EFCAB11: variants seen among roughly 807,000 people sequenced by gnomAD.
EFCAB11 encodes EF-hand calcium-binding domain-containing protein 11.
EFCAB11 carries 14 observed loss-of-function variants against 23.0 expected under a neutral mutation model. That is an observed-to-expected ratio of 0.61 (90% confidence interval 0.40 to 0.95). The LOEUF (loss-of-function observed/expected upper bound fraction) is 0.95, where lower values mean the gene tolerates loss of function less well. Among genes scored for constraint, EFCAB11 ranks in the 40% least tolerant of loss-of-function variants. EFCAB11 has a pLI of 0.00. For synonymous variants in EFCAB11, 65 were observed against 66.6 expected, an observed-to-expected ratio of 0.98 and a Z score of 0.11; for missense variants, 198 against 195.8, an observed-to-expected ratio of 1.01 and a Z score of -0.07.
At chr14:89,804,902 G>C (rs970786774) in intron 5 of EFCAB11, among the ~76,000 whole-genome samples, 1 of 152,084 alleles carries the variant, frequency 6.6e-6, no homozygotes, top group Non-Finnish European at 1.5e-5. Flanking sequence ...ATAATATTTA[G>C]TCCATTAATA....
chr14:89,944,345 A>T (rs1023038991), intron 3 of EFCAB11, among the ~76,000 whole-genome samples: 1 of 152,174 alleles, frequency 6.6e-6, no homozygotes, highest in Non-Finnish European at 1.5e-5. Flanking sequence ...ACCTGCCCCC[A>T]TTATTCAATT....
intron 5 of EFCAB11, among the ~76,000 whole-genome samples, chr14:89,925,990 G>A (rs1890181294): frequency 1.3e-5 from 2 of 152,040 alleles, no homozygotes; most frequent in South Asian, 4.1e-4. Context: ...CACCATGCTG[G>A]GATAATTTTT....
chr14:89,801,955 C>T (rs566173132), intron 5 of EFCAB11, among the ~76,000 whole-genome samples: 203 of 151,296 alleles, frequency 1.3e-3, no homozygotes, highest in African/African-American at 4.7e-3. Context: ...GATCGCACTA[C>T]TGCACTCCAG....
At chr14:89,931,341 C>T in intron 5 of EFCAB11, 200 bp downstream of exon 5, 1 of 541,944 alleles carries the variant, frequency 1.8e-6, no homozygotes, top group Non-Finnish European at 3.2e-6. Flanking sequence ...GCTCCCCCAA[C>T]TTTACAGTTC....
intron 3 of EFCAB11, among the ~76,000 whole-genome samples, chr14:89,937,563 G>A (rs1890629205): frequency 6.6e-6 from 1 of 152,052 alleles, no homozygotes; most frequent in African/African-American, 2.4e-5. Context: ...GTCTCACTCT[G>A]TCGCCAGGCT....
chr14:89,861,330 T>C (rs2140150801), intron 5 of EFCAB11, among the ~76,000 whole-genome samples: 2 of 152,320 alleles, frequency 1.3e-5, no homozygotes, highest in South Asian at 4.1e-4. Context: ...GGCTACCTGA[T>C]TCTGTGTTAA....
At chr14:89,835,535 T>A (rs1887045125) in intron 5 of EFCAB11, among the ~76,000 whole-genome samples, 2 of 151,290 alleles carry the variant, frequency 1.3e-5, no homozygotes, top group South Asian at 4.2e-4. Context: ...TCAGCTCTCA[T>A]AAAGTTTCAG....
chr14:89,830,044 T>C (rs1338906338), intron 5 of EFCAB11: 1 of 152,204 alleles, frequency 6.6e-6, no homozygotes, highest in African/African-American at 2.4e-5. Context: ...AAAATTGCTC[T>C]AAAATCTCTC....
intron 5 of EFCAB11, chr14:89,832,965 T>C (rs1395590898): frequency 6.6e-6 from 1 of 152,184 alleles, no homozygotes; most frequent in Admixed American, 6.5e-5. Context: ...TAACAGAATT[T>C]TCCCCACAAC....
chr14:89,887,394 A>G (rs1227753540), intron 5 of EFCAB11, among the ~76,000 whole-genome samples: 1 of 152,236 alleles, frequency 6.6e-6, no homozygotes, highest in Admixed American at 6.5e-5. Flanking sequence ...TAAATTAGAC[A>G]TAAGCTTTCT....
At chr14:89,863,375 A>G (rs1390139279) in intron 5 of EFCAB11, among the ~76,000 whole-genome samples, 1 of 152,236 alleles carries the variant, frequency 6.6e-6, no homozygotes, top group Non-Finnish European at 1.5e-5. Flanking sequence ...AATTTTAAGA[A>G]AAATAGAATG....
At chr14:89,915,515 T>C (rs1046556224) in intron 5 of EFCAB11, among the ~76,000 whole-genome samples, 1 of 152,232 alleles carries the variant, frequency 6.6e-6, no homozygotes, top group Admixed American at 6.5e-5. Context: ...TTTGGTTCAT[T>C]AAGAGAGGAT....
At chr14:89,875,135 G>A (rs374183179) in intron 5 of EFCAB11, among the ~76,000 whole-genome samples, 2 of 152,188 alleles carry the variant, frequency 1.3e-5, no homozygotes, top group African/African-American at 4.8e-5. Context: ...GGGGGATGCT[G>A]ACTGCTCGGG....
At chr14:89,896,524 A>C (rs1889167163) in intron 5 of EFCAB11, among the ~76,000 whole-genome samples, 2 of 152,220 alleles carry the variant, frequency 1.3e-5, no homozygotes, top group African/African-American at 4.8e-5. Flanking sequence ...ATCTAAGTAA[A>C]CATTCGTGTA....
chr14:89,870,925 G>A (rs1274258445), intron 5 of EFCAB11, among the ~76,000 whole-genome samples: 2 of 152,162 alleles, frequency 1.3e-5, no homozygotes, highest in South Asian at 2.1e-4. Context: ...GGTCAACAGA[G>A]TGAGATTTTG....
chr14:89,855,863 A>G (rs974096894), intron 5 of EFCAB11, among the ~76,000 whole-genome samples: 16 of 152,282 alleles, frequency 1.1e-4, no homozygotes, highest in East Asian at 1.9e-4. Flanking sequence ...GATTCCACAT[A>G]TAAGTGAAAT....
chr14:89,847,482 G>A (rs1887465908), intron 5 of EFCAB11, among the ~76,000 whole-genome samples: 1 of 152,238 alleles, frequency 6.6e-6, no homozygotes, highest in Middle Eastern at 3.4e-3. Context: ...GGTCATGCCT[G>A]TAATCCCAGC....
At chr14:89,810,829 A>G (rs1381215103) in intron 5 of EFCAB11, among the ~76,000 whole-genome samples, 2 of 151,994 alleles carry the variant, frequency 1.3e-5, no homozygotes, top group African/African-American at 4.8e-5. Context: ...AGAGCCCACT[A>G]TGGTCCACGC....
In EFCAB11 at chr14:89,936,094, T is replaced by C. The variant is rs554964268; in HGVS notation, c.218-3467A>G. ...AAAAGTAGGTCTCTTTCTATTCACA[T>C]AGCCAGCAAAATAAACTGTCACTTC... On this transcript the variant is annotated intron_variant, in intron 3 of 5. Transcript: ENST00000316738. 3.9e-5 allele frequency among the ~76,000 whole-genome samples: 6 copies of C among 152,220 alleles called. No individual in the cohort carries two copies. The East Asian group carries it at 9.6e-4, about 24-fold the overall frequency.
Sources: allele counts gnomAD v4.1 joint callset (sites outside exome capture counted in the v4.1 genomes callset), GRCh38; gene constraint gnomAD v4.1.1; transcripts MANE v1.5; gene names NCBI Gene and HGNC (gene_info 2026-07-23, HGNC 2026-07-21).